Variants in EYA1 observed in about 807,000 individuals in gnomAD.
The protein encoded by EYA1 is EYA transcriptional coactivator and phosphatase 1.
A neutral mutation model predicts 82.0 loss-of-function variants in EYA1; 16 were observed. The ratio of observed to expected loss-of-function variants is 0.20; its 90% confidence interval spans 0.13 to 0.30. The LOEUF is 0.30. EYA1 is among the 10% of genes least tolerant of loss of function. The pLI is 1.00. For synonymous variants in EYA1, 261 were observed against 264.4 expected, an observed-to-expected ratio of 0.99 and a Z score of 0.12; for missense variants, 633 against 730.7, an observed-to-expected ratio of 0.87 and a Z score of 1.54.
chr8:71,528,246 T>G (rs934868721), intron 2 of EYA1, among the ~76,000 whole-genome samples: 9 of 152,174 alleles, frequency 5.9e-5, no homozygotes, highest in Admixed American at 5.9e-4. Context: ...TCCATCTGTT[T>G]GGTGCATATG....
chr8:71,438,617 C>T (rs2129168306), intron 2 of EYA1, among the ~76,000 whole-genome samples: 1 of 152,094 alleles, frequency 6.6e-6, no homozygotes, highest in East Asian at 1.9e-4. Flanking sequence ...CTTCATGAAG[C>T]ATGTGAGGGT....
intron 2 of EYA1, among the ~76,000 whole-genome samples, chr8:71,372,877 A>T (rs772845728): frequency 1.3e-5 from 2 of 152,148 alleles, no homozygotes; most frequent in Non-Finnish European, 2.9e-5. Flanking sequence ...ATGACATTTC[A>T]AAAGCACTGA....
intron 11 of EYA1, among the ~76,000 whole-genome samples, chr8:71,256,096 G>C (rs2128924061): frequency 6.6e-6 from 1 of 152,234 alleles, no homozygotes; most frequent in South Asian, 2.1e-4. Context: ...TGGAATCCCT[G>C]TGCACAGCTG....
At chr8:71,418,247 T>G (rs1169961933) in intron 2 of EYA1, among the ~76,000 whole-genome samples, 1 of 152,214 alleles carries the variant, frequency 6.6e-6, no homozygotes, top group African/African-American at 2.4e-5. Flanking sequence ...TATGATTAAT[T>G]TGGTTCGCAC....
chr8:71,505,849 C>G (rs1346242551), intron 2 of EYA1, among the ~76,000 whole-genome samples: 1 of 152,042 alleles, frequency 6.6e-6, no homozygotes, highest in Non-Finnish European at 1.5e-5. Flanking sequence ...CTTCATAATC[C>G]CCATGTGTCA....
chr8:71,397,552 T>G (rs969500379), intron 2 of EYA1, among the ~76,000 whole-genome samples: 4 of 152,252 alleles, frequency 2.6e-5, no homozygotes, highest in African/African-American at 9.6e-5. Flanking sequence ...ATATGAAGTT[T>G]AGTTTGGCTG....
At chr8:71,517,726 T>A (rs1007116735) in intron 2 of EYA1, among the ~76,000 whole-genome samples, 3 of 147,972 alleles carry the variant, frequency 2.0e-5, no homozygotes, top group African/African-American at 4.9e-5. Flanking sequence ...TATATATATA[T>A]AACTGTATAC....
At chr8:71,523,231 T>C (rs1240456678) in intron 2 of EYA1, among the ~76,000 whole-genome samples, 2 of 142,282 alleles carry the variant, frequency 1.4e-5, no homozygotes, top group Non-Finnish European at 3.0e-5. Flanking sequence ...CAGGCTGGAA[T>C]GCAGTGGCGC....
chr8:71,323,858 T>C (rs1285403259), intron 4 of EYA1: 1 of 152,226 alleles, frequency 6.6e-6, no homozygotes, highest in Non-Finnish European at 1.5e-5. Context: ...GAGAGAACAC[T>C]TGGACTATGA....
intron 2 of EYA1, among the ~76,000 whole-genome samples, chr8:71,376,707 C>T (rs929426086): frequency 1.3e-5 from 2 of 152,098 alleles, no homozygotes; most frequent in East Asian, 1.9e-4. Context: ...AGTCTCTCCG[C>T]GTAAACAAGA....
At chr8:71,336,362 G>T (rs570600502) in intron 3 of EYA1, among the ~76,000 whole-genome samples, 1 of 152,216 alleles carries the variant, frequency 6.6e-6, no homozygotes, top group Non-Finnish European at 1.5e-5. Context: ...TCACATAGAA[G>T]TTTCATGCCC....
intron 17 of EYA1, among the ~76,000 whole-genome samples, chr8:71,201,489 A>C (rs2128807727): frequency 6.6e-6 from 1 of 152,274 alleles, no homozygotes; most frequent in Non-Finnish European, 1.5e-5. Context: ...CAGAAGATTC[A>C]TAGACCTGGG....
At chr8:71,248,536 C>T (rs968877212) in intron 11 of EYA1, among the ~76,000 whole-genome samples, 13 of 152,194 alleles carry the variant, frequency 8.5e-5, no homozygotes, top group African/African-American at 3.1e-4. Flanking sequence ...AAAACACCTA[C>T]TCTTTGACTT....
intron 2 of EYA1, among the ~76,000 whole-genome samples, chr8:71,455,268 C>T (rs1807786917): frequency 6.6e-6 from 1 of 152,022 alleles, no homozygotes; most frequent in Admixed American, 6.6e-5. Context: ...TCATTAATAG[C>T]CTACCAACCA....
chr8:71,484,107 G>A (rs1247794123), intron 2 of EYA1, among the ~76,000 whole-genome samples: 1 of 152,182 alleles, frequency 6.6e-6, no homozygotes, highest in Non-Finnish European at 1.5e-5. Flanking sequence ...AATATAGCAG[G>A]ATAGCCCTCC....
chr8:71,470,919 C>A, intron 2 of EYA1: 1 of 454,498 alleles, frequency 2.2e-6, no homozygotes, highest in South Asian at 1.6e-5. Flanking sequence ...TATTGAACAG[C>A]AGTGCCAATG....
At chr8:71,361,199 T>C (rs1013911972) in intron 1 of EYA1, among the ~76,000 whole-genome samples, 10 of 152,238 alleles carry the variant, frequency 6.6e-5, no homozygotes, top group African/African-American at 2.2e-4. Context: ...TGTTAAATGC[T>C]TCATTTTTTT....
chr8:71,544,709 C>T (rs2129294351), intron 1 of EYA1, among the ~76,000 whole-genome samples: 1 of 152,344 alleles, frequency 6.6e-6, no homozygotes, highest in Non-Finnish European at 1.5e-5. Flanking sequence ...TCTGATCCCC[C>T]TCCAAAGGAC....
intron 2 of EYA1, among the ~76,000 whole-genome samples, chr8:71,454,445 C>T (rs1432392392): frequency 6.6e-6 from 1 of 152,190 alleles, no homozygotes; most frequent in Non-Finnish European, 1.5e-5. Context: ...CAGAACTCTC[C>T]ACCAAATCAA....
Sources: allele counts gnomAD v4.1 joint callset (sites outside exome capture counted in the v4.1 genomes callset), GRCh38; gene constraint gnomAD v4.1.1; transcripts MANE v1.5; gene names NCBI Gene and HGNC (gene_info 2026-07-23, HGNC 2026-07-21).